CHN2: variants seen among roughly 807,000 people sequenced by gnomAD.
The protein encoded by CHN2 is chimerin 2.
A neutral mutation model predicts 56.3 loss-of-function variants in CHN2; 35 were observed. The observed-to-expected ratio is 0.62, with a 90% confidence interval of 0.47 to 0.82. The LOEUF (loss-of-function observed/expected upper bound fraction) is 0.82. CHN2 is among the 40% of genes least tolerant of loss of function. CHN2 has a pLI of 0.00. For synonymous variants in CHN2, 210 were observed against 212.8 expected (o/e 0.99, Z 0.12); for missense variants, 491 against 580.5 (o/e 0.85, Z 1.58).
chr7:29,489,762 C>T lies in CHN2; in HGVS notation c.655-6190C>T, dbSNP rs577291820. Among the ~76,000 whole-genome samples, 7 of 152,196 alleles carry T rather than the reference C, an allele frequency of 4.6e-5. No homozygotes were observed. In the South Asian group the frequency reaches 1.5e-3, roughly 32 times the overall value. Reference sequence around the variant, plus strand: ...ACGTCTATGCATTTATTTGGCTGGACAGAACAGATCAAAGGCAGTAGGGAT... The same window carrying T: ...ACGTCTATGCATTTATTTGGCTGGATAGAACAGATCAAAGGCAGTAGGGAT... On this transcript the variant is annotated intron_variant, in intron 7 of 12. Transcript: ENST00000222792.
chr7:29,391,606 A>C (rs1801377966), intron 3 of CHN2, among the ~76,000 whole-genome samples: 1 of 151,988 alleles, frequency 6.6e-6, no homozygotes, highest in Admixed American at 6.5e-5. Flanking sequence ...CCTCAATTGG[A>C]TCAAACTCTC....
At chr7:29,349,624 A>C (rs1797723770) in intron 1 of CHN2, among the ~76,000 whole-genome samples, 1 of 152,216 alleles carries the variant, frequency 6.6e-6, no homozygotes. Context: ...ACATGTGTTC[A>C]ATTACTACCT....
intron 1 of CHN2, among the ~76,000 whole-genome samples, chr7:29,343,476 A>G (rs945023956): frequency 6.6e-6 from 1 of 151,876 alleles, no homozygotes; most frequent in African/African-American, 2.4e-5. Flanking sequence ...CTCAATTTCT[A>G]CTTGACCTTC....
chr7:29,476,265 C>T (rs1179502284), intron 6 of CHN2, among the ~76,000 whole-genome samples: 1 of 152,080 alleles, frequency 6.6e-6, no homozygotes. Flanking sequence ...GGCCGGGTGC[C>T]ATGGCTCACA....
chr7:29,210,140 G>A lies in CHN2; in HGVS notation c.49+15150G>A, dbSNP rs142391985. Among the ~76,000 whole-genome samples, 641 of 152,194 alleles carry A rather than the reference G, an allele frequency of 4.2e-3. 7 individuals are homozygous for A. Among genetic ancestry groups the A allele is most frequent in the African/African-American group, 0.014 (601 of 41,534 alleles). The stretch of plus-strand genomic sequence containing the variant: ...GCCTGTTTCCTCTTGCCAATTTATG[G>A]TGCCTTGGTGGTCCCCCAAGGGAAC... On this transcript the variant is annotated intron_variant, in intron 1 of 12. Transcript: ENST00000222792.
Position 29,340,409 on chromosome 7 carries a change from C to CA in CHN2, c.50-14216_50-14215insA, listed in dbSNP as rs1796953703. On this transcript the variant is annotated intron_variant, in intron 1 of 12. Transcript: ENST00000222792. The stretch of plus-strand genomic sequence containing the variant: ...CTGCAGGGGGTTGCTTGGGGGGGGG[C>CA]CTCAATATTTAGCAGCCCTGAACAA... 2.6e-5 allele frequency among the ~76,000 whole-genome samples: 4 copies of CA among 151,642 alleles called. 1 individual carries two copies. The South Asian group carries it at 8.4e-4, about 32-fold the overall frequency.
chr7:29,256,461 C>G (rs1346895868), intron 1 of CHN2, among the ~76,000 whole-genome samples: 3 of 152,174 alleles, frequency 2.0e-5, no homozygotes, highest in Admixed American at 6.5e-5. Context: ...AATTTTAACA[C>G]AAGTACAATA....
At chr7:29,428,126 T>G (rs1345639887) in intron 6 of CHN2, among the ~76,000 whole-genome samples, 2 of 152,206 alleles carry the variant, frequency 1.3e-5, no homozygotes, top group African/African-American at 4.8e-5. Flanking sequence ...GGATATTCAC[T>G]TAATCTCTCT....
At chr7:29,228,823 A>G (rs1348277952) in intron 1 of CHN2, among the ~76,000 whole-genome samples, 2 of 152,228 alleles carry the variant, frequency 1.3e-5, no homozygotes, top group Non-Finnish European at 2.9e-5. Flanking sequence ...GGTTTCAAGT[A>G]GGCCAATCCA....
intron 2 of CHN2, among the ~76,000 whole-genome samples, chr7:29,171,744 G>A (rs1796636007): frequency 6.6e-6 from 1 of 152,114 alleles, no homozygotes. Context: ...TCCAGAGAAT[G>A]CATTTTCATT....
intron 1 of CHN2, among the ~76,000 whole-genome samples, chr7:29,264,509 T>C (rs1041584662): frequency 7.2e-5 from 11 of 152,236 alleles, no homozygotes; most frequent in African/African-American, 2.4e-4. Context: ...TCTATGACCT[T>C]ACGCCCAACC....
intron 1 of CHN2, among the ~76,000 whole-genome samples, chr7:29,206,314 C>T (rs1270102310): frequency 6.6e-5 from 10 of 152,140 alleles, no homozygotes; most frequent in African/African-American, 1.9e-4. Flanking sequence ...ATGGAAAAAA[C>T]TCTATCGCCC....
At chr7:29,390,329 C>T (rs889698132) in intron 3 of CHN2, among the ~76,000 whole-genome samples, 1 of 152,186 alleles carries the variant, frequency 6.6e-6, no homozygotes, top group African/African-American at 2.4e-5. Flanking sequence ...AGTCAGAGCA[C>T]TAAATCCCAA....
At chr7:29,307,177 AC>A (rs1794237394) in intron 1 of CHN2, among the ~76,000 whole-genome samples, 2 of 152,358 alleles carry the variant, frequency 1.3e-5, no homozygotes, top group South Asian at 4.1e-4. Context: ...TTCCCAACTT[AC>A]AATCACTTCA....
intron 1 of CHN2, among the ~76,000 whole-genome samples, chr7:29,346,294 G>A (rs1038176760): frequency 1.3e-5 from 2 of 152,176 alleles, no homozygotes; most frequent in Admixed American, 1.3e-4. Context: ...ACATATTGTA[G>A]CATGTGCACA....
At chr7:29,247,210 G>A (rs116126650) in intron 1 of CHN2, among the ~76,000 whole-genome samples, 28 of 152,242 alleles carry the variant, frequency 1.8e-4, no homozygotes, top group African/African-American at 6.3e-4. Flanking sequence ...TAGGGAGAGC[G>A]GTTTGGCATC....
intron 1 of CHN2, among the ~76,000 whole-genome samples, chr7:29,235,561 A>G (rs1328175119): frequency 3.9e-5 from 6 of 152,240 alleles, no homozygotes; most frequent in African/African-American, 1.4e-4. Context: ...AATATAAATC[A>G]TTCTACCATA....
chr7:29,174,562 G>A (rs182906725), intron 2 of CHN2, among the ~76,000 whole-genome samples: 1 of 152,062 alleles, frequency 6.6e-6, no homozygotes, highest in African/African-American at 2.4e-5. Flanking sequence ...CCAACACAAT[G>A]ATTAAACAAT....
intron 3 of CHN2, among the ~76,000 whole-genome samples, chr7:29,386,536 C>T (rs2128065049): frequency 6.6e-6 from 1 of 152,296 alleles, no homozygotes; most frequent in South Asian, 2.1e-4. Flanking sequence ...TCACAATATT[C>T]TGTAAATGTC....
Sources: gnomAD v4.1 joint callset for allele counts (sites outside exome capture counted in the v4.1 genomes callset) on GRCh38, gnomAD v4.1.1 for gene constraint, MANE v1.5 for transcripts, NCBI Gene and HGNC (gene_info 2026-07-23, HGNC 2026-07-21) for gene names.